RGMB: variants seen among roughly 807,000 people sequenced by gnomAD.
RGMB encodes the protein repulsive guidance molecule BMP co-receptor b.
A neutral mutation model predicts 26.9 loss-of-function variants in RGMB; 16 were observed. The ratio of observed to expected loss-of-function variants is 0.60; its 90% CI spans 0.40 to 0.90. RGMB has a LOEUF of 0.90. Ranked by LOEUF, RGMB falls within the 40% of genes least tolerant of loss-of-function variation. The pLI, the probability that RGMB is intolerant of heterozygous loss-of-function variation, is 0.00. For synonymous variants in RGMB, 225 were observed against 229.3 expected, an observed-to-expected ratio of 0.98 and a Z score of 0.17; for missense variants, 512 against 573.3, an observed-to-expected ratio of 0.89 and a Z score of 1.09.
In RGMB at chr5:98,793,661, T is replaced by C; in HGVS notation, c.1222T>C (p.Phe408Leu). 2 of 1,613,974 alleles carry C rather than the reference T, an allele frequency of 1.2e-6. No homozygotes were observed. The highest frequency in any genetic ancestry group is 1.7e-6 in the Non-Finnish European group (2 of 1,179,854). ...CCCAAGGAAGGAACGCTGGCACATT[T>C]TCCCCAGCAGTGGCAATGGGACTCC... The part of the protein sequence containing the change: ...LHPRKERWHI[F>L]PSSGNGTPRG... The change falls in exon 3 of 3, where the codon TTC becomes CTC. Residue 408 changes from phenylalanine to leucine, a missense_variant. Transcript: ENST00000513185.
At chr5:98,790,088 CT>C (rs1213655973) in intron 2 of RGMB, among the ~76,000 whole-genome samples, 1 of 152,104 alleles carries the variant, frequency 6.6e-6, no homozygotes, top group African/African-American at 2.4e-5. Context: ...GAGTACTTGC[CT>C]TTTAAAAGCT....
intron 1 of RGMB, among the ~76,000 whole-genome samples, chr5:98,778,381 A>G (rs1012264117): frequency 6.6e-6 from 1 of 152,144 alleles, no homozygotes; most frequent in African/African-American, 2.4e-5. Context: ...CAGAATACAA[A>G]TCATAAGATA....
intron 2 of RGMB, among the ~76,000 whole-genome samples, chr5:98,785,781 C>T (rs894165725): frequency 2.0e-5 from 3 of 152,076 alleles, no homozygotes; most frequent in African/African-American, 7.2e-5. Flanking sequence ...ATTATAGAAA[C>T]AATATTGAAA....
At chr5:98,772,117 A>G (rs538451004), upstream of RGMB, among the ~76,000 whole-genome samples, 1 of 152,348 alleles carries the variant, frequency 6.6e-6, no homozygotes, top group African/African-American at 2.4e-5. Flanking sequence ...AAAATGTCAT[A>G]TAACTTCCTC....
At chr5:98,780,215 C>T (rs571048851) in intron 2 of RGMB, 127 bp downstream of exon 2, 57 of 822,550 alleles carry the variant, frequency 6.9e-5, no homozygotes, top group South Asian at 4.2e-4. Context: ...AAGCAATTAA[C>T]AGTTGATAAA....
intron 1 of RGMB, 60 bp downstream of exon 1, chr5:98,774,266 G>A (rs533248605): frequency 7.5e-7 from 1 of 1,334,652 alleles, no homozygotes; most frequent in South Asian, 1.8e-5. Flanking sequence ...TTCCCAAATA[G>A]CCCCAGGTCT....
chr5:98,791,312 G>C (rs552995094), intron 2 of RGMB, among the ~76,000 whole-genome samples: 13 of 152,328 alleles, frequency 8.5e-5, no homozygotes, highest in South Asian at 8.3e-4. Flanking sequence ...CTACAGTGCA[G>C]CTGGTTCAGA....
chr5:98,775,650 A>G (rs1746376363), intron 1 of RGMB, among the ~76,000 whole-genome samples: 1 of 152,156 alleles, frequency 6.6e-6, no homozygotes, highest in South Asian at 2.1e-4. Flanking sequence ...CTGTGACAGA[A>G]TTGGAATGTG....
intron 2 of RGMB, chr5:98,792,771 T>TA (rs5869833): frequency 0.031 from 3,838 of 121,890 alleles, 59 homozygotes; most frequent in Admixed American, 0.083. Flanking sequence ...CCCTGTCACT[T>TA]AAAAAAAAAA....
At chr5:98,779,296 C>T (rs980753859) in intron 1 of RGMB, among the ~76,000 whole-genome samples, 12 of 152,158 alleles carry the variant, frequency 7.9e-5, no homozygotes, top group African/African-American at 2.9e-4. Context: ...TTACTATTCC[C>T]TTGTAATCTC....
intron 2 of RGMB, among the ~76,000 whole-genome samples, chr5:98,785,157 A>C (rs941528291): frequency 3.9e-5 from 6 of 152,176 alleles, no homozygotes; most frequent in Admixed American, 1.3e-4. Context: ...GCTTAATGTA[A>C]TTATTTCCCT....
Position 98,793,542 on chromosome 5 carries a change from A to G in RGMB, c.1103A>G (p.Tyr368Cys), listed in dbSNP as rs769302568. The G allele has an allele frequency of 3.1e-6, 5 of 1,613,980 alleles. No individual in the cohort carries two copies. The highest frequency in any genetic ancestry group is 1.3e-5 in the African/African-American group (1 of 75,044). Reference sequence around the variant, plus strand: ...GAGAAGATGCCAGTGAAGGACATCTATTTCCAGTCCTGTGTCTTCGACCTG... The same window carrying G: ...GAGAAGATGCCAGTGAAGGACATCTGTTTCCAGTCCTGTGTCTTCGACCTG... ...CHEKMPVKDIYFQSCVFDLLT... is the reference protein window; with the variant it reads ...CHEKMPVKDICFQSCVFDLLT... Residue 368 changes from tyrosine (Y) to cysteine (C), a missense_variant, in exon 3 of 3, where the codon TAT (tyrosine) becomes TGT (cysteine). By Grantham distance (194) the Tyr-to-Cys change is radical. Transcript: ENST00000513185.
rs923166205 is a variant in RGMB at position 98,794,285 on chromosome 5, T to G, written c.*532T>G. On this transcript the variant is annotated 3_prime_UTR_variant, in exon 3 of 3. Transcript: ENST00000513185. ...CACTTGATTTGAAAGGGTCGTTAAC[T>G]CTCCCTTACAGGTGCTTTGACTCTT... 5 of 152,362 alleles carry G rather than the reference T, an allele frequency of 3.3e-5. No individual in the cohort carries two copies. Among genetic ancestry groups the G allele is most frequent in the African/African-American group, 1.2e-4 (5 of 41,536 alleles). 9.4% of individuals were successfully genotyped at this position (152,362 alleles called of 1,614,324 possible).
In RGMB at chr5:98,778,389, A is replaced by G. The variant is rs536927441; in HGVS notation, c.137-1191A>G. On this transcript the variant is annotated intron_variant, in intron 1 of 2. Transcript: ENST00000513185. ...CCCCATCCAGAATACAAATCATAAGATATTTACTGTCTGGAAAAGAATACA... is the reference window on the plus strand; with the variant it reads ...CCCCATCCAGAATACAAATCATAAGGTATTTACTGTCTGGAAAAGAATACA... Among the ~76,000 whole-genome samples the G allele has an allele frequency of 2.0e-5, 3 of 152,298 alleles. No homozygotes were observed. In the South Asian group the frequency reaches 6.2e-4, roughly 32 times the overall value.
At chr5:98,777,299 C>T (rs891485649) in intron 1 of RGMB, among the ~76,000 whole-genome samples, 1 of 152,200 alleles carries the variant, frequency 6.6e-6, no homozygotes, top group African/African-American at 2.4e-5. Flanking sequence ...CAAATAGGCA[C>T]TGCAAGTTTA....
chr5:98,787,338 C>A (rs1329214832), intron 2 of RGMB, among the ~76,000 whole-genome samples: 3 of 152,160 alleles, frequency 2.0e-5, no homozygotes, highest in Admixed American at 6.5e-5. Flanking sequence ...CTAATCCCAT[C>A]GGTTTGGAGA....
intron 2 of RGMB, 86 bp downstream of exon 2, chr5:98,780,174 A>G (rs1280356415): frequency 7.9e-7 from 1 of 1,272,344 alleles, no homozygotes; most frequent in African/African-American, 1.5e-5. Flanking sequence ...TGTGCTATAA[A>G]GGGCCTAGTT....
intron 2 of RGMB, among the ~76,000 whole-genome samples, chr5:98,788,708 G>C (rs942170281): frequency 6.6e-6 from 1 of 152,204 alleles, no homozygotes; most frequent in Admixed American, 6.5e-5. Flanking sequence ...GACCAGGGAA[G>C]ACACTTGAAG....
At chr5:98,789,206 C>T (rs1338528707) in intron 2 of RGMB, among the ~76,000 whole-genome samples, 1 of 152,182 alleles carries the variant, frequency 6.6e-6, no homozygotes, top group Non-Finnish European at 1.5e-5. Context: ...GATGAGAGCT[C>T]CTAAAGTCTG....
Sources: gnomAD v4.1 joint callset for allele counts (sites outside exome capture counted in the v4.1 genomes callset) on GRCh38, gnomAD v4.1.1 for gene constraint, MANE v1.5 for transcripts, NCBI Gene and HGNC (gene_info 2026-07-23, HGNC 2026-07-21) for gene names.